The following CLIC2 variants were observed in gnomAD, a reference collection of about 807,000 sequenced individuals.
CLIC2 encodes CLIC family member 2.
Under a neutral mutation model 14.8 loss-of-function variants are expected in CLIC2, and 9 were observed. The observed-to-expected ratio is 0.61, with a 90% CI of 0.37 to 1.06. The LOEUF (loss-of-function observed/expected upper bound fraction) is 1.06, where lower values mean the gene tolerates loss of function less well. CLIC2 is among the 50% of genes least tolerant of loss of function. The pLI is 0.01. For synonymous variants in CLIC2, 61 were observed against 66.3 expected, an observed-to-expected ratio of 0.92 and a Z score of 0.39; for missense variants, 148 against 181.4, an observed-to-expected ratio of 0.82 and a Z score of 1.06.
At position 155,334,371 on chromosome X, in the gene CLIC2, C is replaced by T; in HGVS notation, c.57G>A (p.Lys19=). The change falls in exon 1 of 6, where the codon AAG becomes AAA. Residue 19 remains lysine (K), a splice_region_variant and synonymous_variant. Transcript: ENST00000369449. ...QVDPEIELFV[K]AGSDGESIGN... is the part of the protein sequence containing the mutation. The stretch of plus-strand genomic sequence containing the variant: ...CAGTTATTATAACTGGAAAACTTAC[C>T]TTTACAAAAAGCTCAATCTCAGGGT... 8.3e-7 allele frequency: 1 copy of T among 1,204,114 alleles called. No homozygotes were observed. The highest frequency in any genetic ancestry group is 1.1e-6 in the Non-Finnish European group (1 of 888,757).
In CLIC2 at chrX:155,298,943, T is replaced by G. The variant is rs781996292; in HGVS notation, c.168-33A>C. ...TATTAAAAATAAGCAGAGTTAGGTC[T>G]CTAGATAAAGTACACATTAAATAAA... On this transcript the variant is annotated intron_variant, in intron 2 of 5. Coordinates refer to ENST00000369449, the MANE Select transcript of CLIC2 (RefSeq NM_001289.6). The G allele has an allele frequency of 1.0e-5, 12 of 1,199,062 alleles. No individual in the cohort carries two copies. In the South Asian group the frequency reaches 1.9e-4, roughly 19 times the overall value.
rs782586255 is a variant in CLIC2, at chrX:155,333,971, CTA to C, written c.57+398_57+399del. ...TCCACCCAGTCAGGCCTTCCAAAAC[CTA>C]TCTCATAAAACACAGATTTTGAGAC... On this transcript the variant is annotated intron_variant, in intron 1 of 5. Coordinates refer to ENST00000369449, the MANE Select transcript of CLIC2 (RefSeq NM_001289.6). Among the ~76,000 whole-genome samples the C allele has an allele frequency of 6.3e-5, 7 of 110,808 alleles. No homozygotes were observed. In the South Asian group the frequency reaches 2.7e-3, roughly 43 times the overall value.
intron 1 of CLIC2, among the ~76,000 whole-genome samples, chrX:155,325,107 A>T (rs1302171726): frequency 4.5e-5 from 5 of 112,231 alleles, no homozygotes; most frequent in African/African-American, 1.6e-4. Flanking sequence ...GTCAGGAAAC[A>T]ACAGATGCTG....
intron 1 of CLIC2, among the ~76,000 whole-genome samples, chrX:155,318,569 C>CA (rs2075102731): frequency 8.9e-6 from 1 of 111,998 alleles, no homozygotes; most frequent in African/African-American, 3.2e-5. Flanking sequence ...ATAGATGACA[C>CA]AAACAAATGG....
At chrX:155,311,897 C>T (rs1284737963) in intron 1 of CLIC2, among the ~76,000 whole-genome samples, 1 of 111,226 alleles carries the variant, frequency 9.0e-6, no homozygotes, top group Non-Finnish European at 1.9e-5. Flanking sequence ...GACTTATTCA[C>T]TACCATGAGA....
chrX:155,304,997 G>A (rs1166145930), intron 1 of CLIC2, among the ~76,000 whole-genome samples: 20 of 110,038 alleles, frequency 1.8e-4, no homozygotes, highest in Non-Finnish European at 3.0e-4. Context: ...GTCAGACAGG[G>A]ACATTTAAGT....
chrX:155,296,424 G>A (rs1449942850), intron 3 of CLIC2, among the ~76,000 whole-genome samples: 3 of 111,297 alleles, frequency 2.7e-5, no homozygotes, highest in Non-Finnish European at 5.7e-5. Flanking sequence ...GAAAACCTAG[G>A]GAAAATTCTT....
At chrX:155,303,849 T>G (rs2075032294) in intron 1 of CLIC2, among the ~76,000 whole-genome samples, 2 of 104,092 alleles carry the variant, frequency 1.9e-5, no homozygotes, top group Non-Finnish European at 3.9e-5. Flanking sequence ...AAGCTTAGTT[T>G]GGCTGGATAT....
chrX:155,329,539 C>T (rs902771786), intron 1 of CLIC2, among the ~76,000 whole-genome samples: 3 of 107,888 alleles, frequency 2.8e-5, no homozygotes, highest in South Asian at 4.3e-4. Context: ...AAATAACAAA[C>T]GCTGGCGAGG....
At chrX:155,316,048 T>C (rs1057301499) in intron 1 of CLIC2, among the ~76,000 whole-genome samples, 6 of 111,405 alleles carry the variant, frequency 5.4e-5, no homozygotes, top group Middle Eastern at 4.7e-3. Context: ...AAAGGACTAG[T>C]CCAACAGGAA....
intron 1 of CLIC2, among the ~76,000 whole-genome samples, chrX:155,322,471 A>G (rs1031670427): frequency 8.9e-6 from 1 of 112,096 alleles, no homozygotes; most frequent in African/African-American, 3.2e-5. Context: ...GTAAACAACG[A>G]CATTAAGGCA....
At chrX:155,287,371 T>C (rs2074946833) in intron 3 of CLIC2, among the ~76,000 whole-genome samples, 1 of 111,610 alleles carries the variant, frequency 9.0e-6, no homozygotes, top group Non-Finnish European at 1.9e-5. Flanking sequence ...TTTCACTCTG[T>C]TGCCCAGGCT....
intron 4 of CLIC2, among the ~76,000 whole-genome samples, 172 bp from the exon 5 acceptor site, chrX:155,279,502 A>G (rs2074910839): frequency 8.9e-6 from 1 of 112,299 alleles, no homozygotes; most frequent in South Asian, 3.7e-4. Flanking sequence ...GATAAGACAA[A>G]GTAAGATGAA....
intron 3 of CLIC2, among the ~76,000 whole-genome samples, chrX:155,286,159 GTGTAT>G (rs1466413553): frequency 9.0e-6 from 1 of 111,519 alleles, no homozygotes; most frequent in Non-Finnish European, 1.9e-5. Flanking sequence ...ACACCCCAGT[GTGTAT>G]TGTTCCCTTC....
intron 3 of CLIC2, chrX:155,292,354 A>G: frequency 1.8e-6 from 1 of 561,871 alleles, no homozygotes; most frequent in Non-Finnish European, 3.3e-6. Context: ...TTAACGATAA[A>G]GGAATATCCA....
At chrX:155,313,900 G>A (rs782084623) in intron 1 of CLIC2, among the ~76,000 whole-genome samples, 1 of 111,575 alleles carries the variant, frequency 9.0e-6, no homozygotes, top group Non-Finnish European at 1.9e-5. Flanking sequence ...TGCGGGATGA[G>A]CCTGTGACTG....
chrX:155,294,333 GA>G (rs1359850682), intron 3 of CLIC2, among the ~76,000 whole-genome samples: 2 of 110,569 alleles, frequency 1.8e-5, no homozygotes, highest in African/African-American at 6.6e-5. Flanking sequence ...AATTTAAGAA[GA>G]AAAAAAATTC....
intron 3 of CLIC2, chrX:155,292,922 C>T: frequency 9.4e-7 from 1 of 1,063,248 alleles, no homozygotes; most frequent in Non-Finnish European, 1.3e-6. Flanking sequence ...GTTTTGCCAA[C>T]AGGGCGAACA....
At chrX:155,290,970 T>G in intron 3 of CLIC2, 1 of 713,462 alleles carries the variant, frequency 1.4e-6, no homozygotes, top group Non-Finnish European at 2.3e-6. Context: ...GAGCAAACAT[T>G]TTTTATATCC....
Sources: allele counts gnomAD v4.1 joint callset (sites outside exome capture counted in the v4.1 genomes callset), GRCh38; gene constraint gnomAD v4.1.1; transcripts MANE v1.5; gene names NCBI Gene and HGNC (gene_info 2026-07-23, HGNC 2026-07-21).